The following ROBO1 variants were observed in gnomAD, a reference collection of about 807,000 sequenced individuals.
ROBO1 encodes the protein roundabout homolog 1.
ROBO1 carries 149 observed loss-of-function variants against 195.9 expected under a neutral mutation model. The ratio of observed to expected loss-of-function variants is 0.76; its 90% confidence interval spans 0.67 to 0.87. The LOEUF (loss-of-function observed/expected upper bound fraction) is 0.87, where lower values mean the gene tolerates loss of function less well. ROBO1 is among the 40% of genes least tolerant of loss of function. ROBO1 has a pLI of 0.00. For synonymous variants in ROBO1, 816 were observed against 733.2 expected, an observed-to-expected ratio of 1.11 and a Z score of -1.82; for missense variants, 1,933 against 2,068.3, an observed-to-expected ratio of 0.93 and a Z score of 1.27.
At chr3:78,831,114 T>C (rs1412033362) in intron 4 of ROBO1, among the ~76,000 whole-genome samples, 2 of 152,036 alleles carry the variant, frequency 1.3e-5, no homozygotes, top group Non-Finnish European at 2.9e-5. Flanking sequence ...GGTTTCACCA[T>C]GTTGGCCAGG....
intron 2 of ROBO1, among the ~76,000 whole-genome samples, chr3:79,206,633 G>A (rs1375385938): frequency 6.6e-6 from 1 of 152,132 alleles, no homozygotes; most frequent in African/African-American, 2.4e-5. Context: ...GGTGTTCCCT[G>A]TTGCTTGCAG....
chr3:79,586,124 G>T lies in ROBO1; in HGVS notation c.88+3700C>A, dbSNP rs76945194. ...CAATTTGTTTTCACATGTCAAAGGA[G>T]ATTTTTTAAAATCTGAAATAAATCC... is the stretch of plus-strand genomic sequence containing the variant. On this transcript the variant is annotated intron_variant, in intron 2 of 30. Coordinates refer to ENST00000464233, the MANE Select transcript of ROBO1 (RefSeq NM_002941.4). Among the ~76,000 whole-genome samples the T allele has an allele frequency of 2.2e-3, 339 of 151,968 alleles. 15 individuals carry two copies. The East Asian group carries it at 0.063, about 28-fold the overall frequency.
chr3:79,347,115 T>A (rs951560566), intron 2 of ROBO1, among the ~76,000 whole-genome samples: 1 of 152,102 alleles, frequency 6.6e-6, no homozygotes, highest in Admixed American at 6.6e-5. Context: ...TGAAAACAAA[T>A]ATAACCCCAT....
At chr3:78,889,296 C>A (rs1377804828) in intron 4 of ROBO1, among the ~76,000 whole-genome samples, 3 of 152,160 alleles carry the variant, frequency 2.0e-5, no homozygotes, top group Non-Finnish European at 2.9e-5. Flanking sequence ...CTCACATATG[C>A]CAGAGGAACA....
chr3:78,807,778 G>A (rs2084592722), intron 4 of ROBO1, among the ~76,000 whole-genome samples: 1 of 152,200 alleles, frequency 6.6e-6, no homozygotes, highest in Non-Finnish European at 1.5e-5. Context: ...TTTGTGTTAT[G>A]TGTGCATAAA....
At chr3:79,052,536 C>G (rs1021383273) in intron 3 of ROBO1, among the ~76,000 whole-genome samples, 1 of 152,022 alleles carries the variant, frequency 6.6e-6, no homozygotes, top group Admixed American at 6.6e-5. Context: ...TTTGTACACC[C>G]CTCCCCTTTT....
intron 2 of ROBO1, among the ~76,000 whole-genome samples, chr3:79,491,492 T>A (rs923346279): frequency 2.6e-5 from 4 of 152,170 alleles, no homozygotes; most frequent in Non-Finnish European, 4.4e-5. Flanking sequence ...GCTCTAGCTG[T>A]CATGAATCAC....
At chr3:79,067,847 C>T (rs2079028535) in intron 3 of ROBO1, among the ~76,000 whole-genome samples, 1 of 151,886 alleles carries the variant, frequency 6.6e-6, no homozygotes, top group Admixed American at 6.6e-5. Context: ...AGGGTACAGT[C>T]AAGCTGTTGG....
intron 2 of ROBO1, among the ~76,000 whole-genome samples, chr3:79,407,818 C>T (rs1419956816): frequency 6.6e-6 from 1 of 151,964 alleles, no homozygotes; most frequent in African/African-American, 2.4e-5. Flanking sequence ...AAAATAAGCA[C>T]ATTTTACAGA....
intron 2 of ROBO1, among the ~76,000 whole-genome samples, chr3:79,153,005 T>C (rs2080799527): frequency 1.3e-5 from 2 of 151,732 alleles, no homozygotes; most frequent in Admixed American, 6.6e-5. Context: ...GGTCAAATGA[T>C]GTAGAACCTC....
chr3:79,408,182 C>T (rs2106832303), intron 2 of ROBO1, among the ~76,000 whole-genome samples: 1 of 151,762 alleles, frequency 6.6e-6, no homozygotes, highest in South Asian at 2.1e-4. Context: ...CATGCCATTG[C>T]ACTCCAGTCT....
chr3:79,527,735 T>TA (rs1941490393), intron 2 of ROBO1: 1 of 64,488 alleles, frequency 1.6e-5, no homozygotes, highest in Non-Finnish European at 3.0e-5. Context: ...AGCAAAGCAA[T>TA]AAAAAAGAGA....
chr3:79,064,741 C>T, intron 3 of ROBO1, among the ~76,000 whole-genome samples: 1 of 151,792 alleles, frequency 6.6e-6, no homozygotes, highest in East Asian at 1.9e-4. Flanking sequence ...TCTGAATAAC[C>T]CAAATTTTTG....
chr3:78,695,625 C>CAAAAA (rs1172592248), intron 8 of ROBO1, among the ~76,000 whole-genome samples: 4 of 54,398 alleles, frequency 7.4e-5, no homozygotes, highest in Non-Finnish European at 1.1e-4. Flanking sequence ...ACTCTTGTCT[C>CAAAAA]AAAAAAAAAA....
chr3:78,813,694 C>T (rs910836780), intron 4 of ROBO1, among the ~76,000 whole-genome samples: 1 of 152,080 alleles, frequency 6.6e-6, no homozygotes, highest in African/African-American at 2.4e-5. Flanking sequence ...CATTCTGACT[C>T]TAGAGTCAAT....
chr3:78,954,041 A>T (rs1432600190), intron 3 of ROBO1, among the ~76,000 whole-genome samples: 1 of 152,018 alleles, frequency 6.6e-6, no homozygotes, highest in Non-Finnish European at 1.5e-5. Context: ...CTGAAAATAA[A>T]GCTAAATCTT....
intron 2 of ROBO1, among the ~76,000 whole-genome samples, chr3:79,367,504 C>G (rs982351687): frequency 6.6e-6 from 1 of 152,222 alleles, no homozygotes; most frequent in African/African-American, 2.4e-5. Flanking sequence ...TCAGATTTCT[C>G]TGCTTAGAAG....
At chr3:78,649,805 T>TAATAGGTTTTGCACAA (rs1393011553) in intron 19 of ROBO1, among the ~76,000 whole-genome samples, 4 of 152,168 alleles carry the variant, frequency 2.6e-5, no homozygotes, top group Admixed American at 2.6e-4. Flanking sequence ...GGTATTAGTT[T>TAATAGGTTTTGCACAA]AATAGGTTTT....
intron 2 of ROBO1, among the ~76,000 whole-genome samples, chr3:79,519,046 G>T: frequency 6.6e-6 from 1 of 152,192 alleles, no homozygotes; most frequent in East Asian, 1.9e-4. Flanking sequence ...ATGGTGGCCA[G>T]TTATTAATAG....
Sources: allele counts gnomAD v4.1 joint callset (sites outside exome capture counted in the v4.1 genomes callset), GRCh38; gene constraint gnomAD v4.1.1; transcripts MANE v1.5; gene names NCBI Gene and HGNC (gene_info 2026-07-23, HGNC 2026-07-21).